The following TAS2R1 variants were observed in gnomAD, a reference collection of about 807,000 sequenced individuals.
TAS2R1 encodes taste receptor type 2 member 1.
For missense variants in TAS2R1, 370 were observed against 353.4 expected (o/e 1.05, Z -0.38); for synonymous variants, 141 against 134.2 (o/e 1.05, Z -0.35).
the TAS2R1 span, among the ~76,000 whole-genome samples, chr5:9,741,846 A>C: frequency 6.6e-6 from 1 of 152,180 alleles, no homozygotes; most frequent in Non-Finnish European, 1.5e-5. Flanking sequence ...GTCATTATTC[A>C]TAAGGCTTTC....
upstream of TAS2R1, among the ~76,000 whole-genome samples, chr5:9,716,091 A>G (rs978606530): frequency 1.3e-5 from 2 of 152,154 alleles, no homozygotes; most frequent in African/African-American, 4.8e-5. Flanking sequence ...GCTTCAATAC[A>G]ATGTGACTTA....
the TAS2R1 span, among the ~76,000 whole-genome samples, chr5:9,839,839 T>C: frequency 1.3e-5 from 2 of 152,194 alleles, no homozygotes; most frequent in Admixed American, 6.5e-5. Context: ...CTGCCTTCCA[T>C]ATTTAACTAT....
At chr5:9,773,414 A>T in the TAS2R1 span, among the ~76,000 whole-genome samples, 2 of 152,092 alleles carry the variant, frequency 1.3e-5, no homozygotes, top group Non-Finnish European at 2.9e-5. Context: ...TTGATTGGTT[A>T]ATCTTGTAGT....
At chr5:9,886,094 C>T in the TAS2R1 span, among the ~76,000 whole-genome samples, 6 of 150,552 alleles carry the variant, frequency 4.0e-5, no homozygotes, top group African/African-American at 1.2e-4. Flanking sequence ...TGCAGTGGCA[C>T]GATCTTGGCT....
chr5:9,671,484 A>G (rs769940849), intron 1 of TAS2R1, among the ~76,000 whole-genome samples: 8 of 152,182 alleles, frequency 5.3e-5, no homozygotes, highest in Non-Finnish European at 8.8e-5. Context: ...CAGCATTTCC[A>G]TACATCAACA....
chr5:9,789,137 T>C, the TAS2R1 span, among the ~76,000 whole-genome samples: 6 of 152,062 alleles, frequency 3.9e-5, no homozygotes, highest in Admixed American at 2.0e-4. Context: ...TTGAAAGAAT[T>C]ACCATCCAAA....
At chr5:9,845,412 G>A in the TAS2R1 span, among the ~76,000 whole-genome samples, 2 of 152,192 alleles carry the variant, frequency 1.3e-5, no homozygotes, top group South Asian at 2.1e-4. Flanking sequence ...AACATTTAAT[G>A]ATATTTGCTG....
chr5:9,834,844 G>A, the TAS2R1 span, among the ~76,000 whole-genome samples: 4 of 151,806 alleles, frequency 2.6e-5, no homozygotes, highest in Non-Finnish European at 5.9e-5. Flanking sequence ...TCTCCCCATC[G>A]ATAGAAATTC....
At chr5:9,730,141 T>G in the TAS2R1 span, among the ~76,000 whole-genome samples, 54 of 152,350 alleles carry the variant, frequency 3.5e-4, no homozygotes, top group South Asian at 4.8e-3. Context: ...CTTTGGGTAT[T>G]AATTTTACGA....
chr5:9,737,628 C>A, the TAS2R1 span, among the ~76,000 whole-genome samples: 1 of 152,102 alleles, frequency 6.6e-6, no homozygotes, highest in African/African-American at 2.4e-5. Flanking sequence ...CGAGGAGCTG[C>A]CTTTCCTTTT....
At chr5:9,732,517 A>T in the TAS2R1 span, among the ~76,000 whole-genome samples, 1 of 152,148 alleles carries the variant, frequency 6.6e-6, no homozygotes, top group African/African-American at 2.4e-5. Flanking sequence ...AGATGGAAGG[A>T]GATCTGTCCC....
At chr5:9,771,041 T>C in the TAS2R1 span, among the ~76,000 whole-genome samples, 1 of 152,206 alleles carries the variant, frequency 6.6e-6, no homozygotes, top group Non-Finnish European at 1.5e-5. Flanking sequence ...TTGTCGTATA[T>C]GGCTTGCATT....
At chr5:9,803,951 C>T in the TAS2R1 span, among the ~76,000 whole-genome samples, 1 of 152,114 alleles carries the variant, frequency 6.6e-6, no homozygotes, top group African/African-American at 2.4e-5. Flanking sequence ...CAATGGCAGA[C>T]TGGATAAGAA....
At chr5:9,837,319 G>C in the TAS2R1 span, among the ~76,000 whole-genome samples, 1 of 152,132 alleles carries the variant, frequency 6.6e-6, no homozygotes, top group Admixed American at 6.5e-5. Context: ...TGACGGATGG[G>C]GTCCTAGAAT....
upstream of TAS2R1, among the ~76,000 whole-genome samples, chr5:9,633,297 TATATATATA>T (rs768468396): frequency 0.023 from 2,140 of 92,552 alleles, 163 homozygotes; most frequent in African/African-American, 0.081. Context: ...GTGTATATTA[TATATATATA>T]TATATATATA....
At chr5:9,834,350 T>C in the TAS2R1 span, among the ~76,000 whole-genome samples, 69 of 152,340 alleles carry the variant, frequency 4.5e-4, 1 homozygote, top group African/African-American at 1.6e-3. Context: ...AGTTAGCACA[T>C]GCAAGGTGCT....
intron 1 of TAS2R1, among the ~76,000 whole-genome samples, chr5:9,679,044 A>T (rs1740943014): frequency 1.3e-5 from 2 of 152,236 alleles, no homozygotes; most frequent in African/African-American, 4.8e-5. Flanking sequence ...TAAATGAACT[A>T]TCAAGCCACA....
the TAS2R1 span, among the ~76,000 whole-genome samples, chr5:9,820,833 TTAG>T: frequency 6.6e-6 from 1 of 152,176 alleles, no homozygotes; most frequent in African/African-American, 2.4e-5. Context: ...CCTGAACTAA[TTAG>T]TATTCTGGCC....
At chr5:9,879,494 C>T in the TAS2R1 span, among the ~76,000 whole-genome samples, 2 of 152,146 alleles carry the variant, frequency 1.3e-5, no homozygotes, top group Non-Finnish European at 2.9e-5. Flanking sequence ...CATACTTCTC[C>T]GGACATCTAG....
Sources: allele counts gnomAD v4.1 joint callset (sites outside exome capture counted in the v4.1 genomes callset), GRCh38; gene constraint gnomAD v4.1.1; transcripts MANE v1.5; gene names NCBI Gene and HGNC (gene_info 2026-07-23, HGNC 2026-07-21).